The following KLHL2 variants were observed in gnomAD, a reference collection of about 807,000 sequenced individuals.
KLHL2 encodes the protein kelch-like protein 2.
In KLHL2, 15 loss-of-function variants were observed where a neutral mutation model predicts 75.8. The observed-to-expected ratio is 0.20, with a 90% CI of 0.13 to 0.30. KLHL2 has a LOEUF of 0.30. Among genes scored for constraint, KLHL2 ranks in the 10% least tolerant of loss-of-function variants. KLHL2 has a pLI of 1.00. For synonymous variants in KLHL2, 214 were observed against 251.9 expected (o/e 0.85, Z 1.42); for missense variants, 381 against 741.0 (o/e 0.51, Z 5.64).
chr4:165,251,146 A>G (rs1740669904), intron 4 of KLHL2, among the ~76,000 whole-genome samples: 1 of 151,878 alleles, frequency 6.6e-6, no homozygotes, highest in Non-Finnish European at 1.5e-5. Flanking sequence ...AAAAAAATAC[A>G]TAAATTCCTG....
At chr4:165,231,312 G>C (rs1311692067) in intron 3 of KLHL2, among the ~76,000 whole-genome samples, 11 of 152,114 alleles carry the variant, frequency 7.2e-5, no homozygotes, top group Non-Finnish European at 1.6e-4. Context: ...AGCTTAGTGT[G>C]GTGGCACTAG....
intron 1 of KLHL2, among the ~76,000 whole-genome samples, chr4:165,211,970 T>C (rs561328240): frequency 6.6e-6 from 1 of 152,330 alleles, no homozygotes; most frequent in South Asian, 2.1e-4. Flanking sequence ...GGATTTACAC[T>C]AGTAGTGCTT....
intron 10 of KLHL2, among the ~76,000 whole-genome samples, 176 bp from the exon 11 acceptor site, chr4:165,311,288 A>C (rs1379997254): frequency 1.3e-5 from 2 of 152,238 alleles, no homozygotes; most frequent in Non-Finnish European, 2.9e-5. Flanking sequence ...TAGCTTAGGT[A>C]GGAGCCTTCT....
intron 2 of KLHL2, among the ~76,000 whole-genome samples, chr4:165,225,668 GA>G: frequency 3.9e-5 from 6 of 152,234 alleles, no homozygotes; most frequent in Admixed American, 3.9e-4. Context: ...TGCAAATTTG[GA>G]AAGAGGTAAG....
intron 4 of KLHL2, among the ~76,000 whole-genome samples, chr4:165,252,291 T>C (rs1368777805): frequency 2.6e-5 from 4 of 151,890 alleles, no homozygotes; most frequent in Non-Finnish European, 5.9e-5. Flanking sequence ...AGCACATTTG[T>C]ATCAGGCTAG....
intron 4 of KLHL2, among the ~76,000 whole-genome samples, chr4:165,262,688 C>A (rs955708970): frequency 2.0e-5 from 3 of 152,106 alleles, no homozygotes; most frequent in Non-Finnish European, 4.4e-5. Context: ...AAGTGATCCT[C>A]CCACCTCTGC....
chr4:165,222,285 C>G (rs182094547), intron 2 of KLHL2, among the ~76,000 whole-genome samples: 1 of 152,128 alleles, frequency 6.6e-6, no homozygotes, highest in Non-Finnish European at 1.5e-5. Flanking sequence ...CTGACATTCT[C>G]AGCCTAGAGA....
At chr4:165,294,237 G>A (rs1459671635) in intron 5 of KLHL2, 122 bp from the exon 6 acceptor site, 1 of 600,246 alleles carries the variant, frequency 1.7e-6, no homozygotes, top group African/African-American at 1.9e-5. Flanking sequence ...TTGCCTGGAG[G>A]TGTGCAATTG....
chr4:165,246,014 G>A (rs1046066940), intron 4 of KLHL2, among the ~76,000 whole-genome samples: 1 of 152,128 alleles, frequency 6.6e-6, no homozygotes. Flanking sequence ...GTCTTGAAAG[G>A]CTTTACATTG....
chr4:165,301,205 A>G (rs1014502457), intron 8 of KLHL2, among the ~76,000 whole-genome samples: 1 of 152,238 alleles, frequency 6.6e-6, no homozygotes, highest in Non-Finnish European at 1.5e-5. Context: ...GATGAGGTTG[A>G]GGATCAAATG....
chr4:165,249,542 G>A lies in KLHL2; in HGVS notation c.381+10643G>A, dbSNP rs570186053. On this transcript the variant is annotated intron_variant, in intron 4 of 14. Coordinates refer to ENST00000226725, the MANE Select transcript of KLHL2 (RefSeq NM_007246.4). The stretch of plus-strand genomic sequence containing the variant: ...AAAATATACCTTTCTAGTGATTTGA[G>A]TATTGATTACATACTGTGAAATCCA... Among the ~76,000 whole-genome samples, 5 of 152,304 alleles carry A rather than the reference G, an allele frequency of 3.3e-5. No homozygotes were observed. The South Asian group carries it at 1.0e-3, about 32-fold the overall frequency.
intron 5 of KLHL2, among the ~76,000 whole-genome samples, chr4:165,291,525 G>T (rs1744506368): frequency 6.6e-6 from 1 of 152,160 alleles, no homozygotes; most frequent in South Asian, 2.1e-4. Flanking sequence ...TCTGTGTCTA[G>T]ATTTACTGTT....
chr4:165,245,941 T>G (rs1467391470), intron 4 of KLHL2, among the ~76,000 whole-genome samples: 1 of 152,168 alleles, frequency 6.6e-6, no homozygotes, highest in Admixed American at 6.5e-5. Context: ...GGGTATCTAT[T>G]CTATGCCAGA....
chr4:165,295,064 G>C (rs1744810351), intron 6 of KLHL2, among the ~76,000 whole-genome samples: 1 of 152,084 alleles, frequency 6.6e-6, no homozygotes, highest in Non-Finnish European at 1.5e-5. Context: ...TGCAGCTACT[G>C]CTTCTGGTTG....
At chr4:165,318,729 C>T (rs1579197601) in intron 14 of KLHL2, among the ~76,000 whole-genome samples, 1 of 151,994 alleles carries the variant, frequency 6.6e-6, no homozygotes, top group African/African-American at 2.4e-5. Context: ...GACCCTTGGA[C>T]AACACAGGTT....
intron 14 of KLHL2, among the ~76,000 whole-genome samples, chr4:165,318,507 A>G (rs1031092452): frequency 6.6e-6 from 1 of 152,138 alleles, no homozygotes; most frequent in Non-Finnish European, 1.5e-5. Context: ...CTTGCTTTTA[A>G]TAGTATAATG....
At chr4:165,231,619 T>C (rs900325552) in intron 3 of KLHL2, among the ~76,000 whole-genome samples, 8 of 152,236 alleles carry the variant, frequency 5.3e-5, no homozygotes, top group African/African-American at 9.6e-5. Context: ...CTAAATAGCA[T>C]TCTCTGTGGA....
At chr4:165,321,913 T>G in intron 14 of KLHL2, 119 bp from the exon 15 acceptor site, 1 of 888,484 alleles carries the variant, frequency 1.1e-6, no homozygotes, top group Admixed American at 2.0e-5. Context: ...AAAGAGATTC[T>G]GAAACATGAT....
At position 165,282,681 on chromosome 4, in the gene KLHL2, C is replaced by T. The variant is rs187460446; in HGVS notation, c.545-11678C>T. Among the ~76,000 whole-genome samples the T allele has an allele frequency of 1.3e-3, 192 of 146,216 alleles. 3 individuals carry two copies. The highest frequency in any genetic ancestry group is 3.8e-3 in the South Asian group (18 of 4,714). ...AAGGATAATTTGGGAAAATATAATG[C>T]TCTCTGTAAGATTTTGAGGAATTTC... On this transcript the variant is annotated intron_variant, in intron 5 of 14. Coordinates refer to ENST00000226725, the MANE Select transcript of KLHL2 (RefSeq NM_007246.4).
Sources: allele counts gnomAD v4.1 joint callset (sites outside exome capture counted in the v4.1 genomes callset), GRCh38; gene constraint gnomAD v4.1.1; transcripts MANE v1.5; gene names NCBI Gene and HGNC (gene_info 2026-07-23, HGNC 2026-07-21).